TMEM272: variants seen among roughly 807,000 people sequenced by gnomAD.
The protein encoded by TMEM272 is transmembrane protein 272, also known as long intergenic non-protein coding RNA 282.
In TMEM272, 8 loss-of-function variants were observed where a neutral mutation model predicts 3.7. The ratio of observed to expected loss-of-function variants is 2.17; its 90% CI spans 1.27 to 3.91. The LOEUF (loss-of-function observed/expected upper bound fraction) is 3.91. TMEM272 is among the 30% of genes most tolerant of loss of function. The pLI is 0.00. For missense variants in TMEM272, 166 were observed against 91.5 expected, an observed-to-expected ratio of 1.81 and a Z score of -3.32; for synonymous variants, 63 against 39.8, an observed-to-expected ratio of 1.58 and a Z score of -2.20.
At chr13:51,874,044 A>G in the TMEM272 span, among the ~76,000 whole-genome samples, 2 of 152,222 alleles carry the variant, frequency 1.3e-5, no homozygotes, top group Non-Finnish European at 2.9e-5. Flanking sequence ...ACCTCAGTGA[A>G]GAGAAAGATG....
At chr13:51,897,926 C>A in the TMEM272 span, among the ~76,000 whole-genome samples, 172 of 98,380 alleles carry the variant, frequency 1.7e-3, no homozygotes, top group Middle Eastern at 7.5e-3. Flanking sequence ...GACTCCATCT[C>A]AAAAAAAAAA....
the TMEM272 span, among the ~76,000 whole-genome samples, chr13:51,904,693 G>A: frequency 6.6e-6 from 1 of 152,192 alleles, no homozygotes; most frequent in African/African-American, 2.4e-5. Flanking sequence ...CAAAGGTCAT[G>A]CTCAAAGGAA....
chr13:51,831,364 T>C (rs576160163), intron 2 of TMEM272, among the ~76,000 whole-genome samples: 269 of 152,272 alleles, frequency 1.8e-3, no homozygotes, highest in Middle Eastern at 3.4e-3. Flanking sequence ...TTCAAGTCTG[T>C]AGTGAACCAT....
the TMEM272 span, among the ~76,000 whole-genome samples, chr13:51,928,529 A>T: frequency 6.6e-6 from 1 of 152,228 alleles, no homozygotes; most frequent in African/African-American, 2.4e-5. Context: ...GGGAGACGGC[A>T]TGACACATTC....
chr13:51,838,208 C>G (rs1187009312), intron 2 of TMEM272, among the ~76,000 whole-genome samples: 2 of 152,236 alleles, frequency 1.3e-5, no homozygotes, highest in Non-Finnish European at 2.9e-5. Flanking sequence ...AGCAGTGACT[C>G]CGTTCACATG....
the TMEM272 span, chr13:51,865,229 C>A: frequency 1.7e-6 from 1 of 603,244 alleles, no homozygotes; most frequent in Non-Finnish European, 2.8e-6. Context: ...ACCATGTGGA[C>A]AAAGAGCAGT....
intron 2 of TMEM272, among the ~76,000 whole-genome samples, chr13:51,830,105 T>C (rs1030732003): frequency 2.0e-5 from 3 of 152,276 alleles, no homozygotes; most frequent in African/African-American, 7.2e-5. Flanking sequence ...TTCAGCCACG[T>C]ACAAAAGCAT....
At chr13:51,927,685 T>C in the TMEM272 span, among the ~76,000 whole-genome samples, 1 of 152,160 alleles carries the variant, frequency 6.6e-6, no homozygotes, top group African/African-American at 2.4e-5. Context: ...ACCAGCATCA[T>C]TCAGGCGGTC....
At chr13:51,895,413 C>A in the TMEM272 span, among the ~76,000 whole-genome samples, 1 of 152,108 alleles carries the variant, frequency 6.6e-6, no homozygotes, top group Non-Finnish European at 1.5e-5. Flanking sequence ...GTAGTAACTG[C>A]AGGGAAATCG....
intron 2 of TMEM272, among the ~76,000 whole-genome samples, chr13:51,837,985 A>T (rs1956230046): frequency 6.6e-6 from 1 of 152,186 alleles, no homozygotes. Flanking sequence ...CTGGGATCTG[A>T]TTTTGGGATA....
the TMEM272 span, among the ~76,000 whole-genome samples, chr13:51,862,925 G>A: frequency 2.0e-5 from 3 of 152,184 alleles, no homozygotes; most frequent in East Asian, 5.8e-4. Context: ...ATAGCTGCTG[G>A]GTTACAGAGA....
At chr13:51,873,348 C>T in the TMEM272 span, among the ~76,000 whole-genome samples, 4 of 152,058 alleles carry the variant, frequency 2.6e-5, no homozygotes, top group East Asian at 3.9e-4. Context: ...TAAATAGCAC[C>T]GAATAGTGAT....
intron 2 of TMEM272, among the ~76,000 whole-genome samples, chr13:51,838,198 A>G (rs1380498081): frequency 6.6e-6 from 1 of 152,232 alleles, no homozygotes; most frequent in Non-Finnish European, 1.5e-5. Flanking sequence ...CACTGATTGT[A>G]GCAGTGACTC....
chr13:51,902,735 T>C, the TMEM272 span, among the ~76,000 whole-genome samples: 3 of 152,246 alleles, frequency 2.0e-5, no homozygotes, highest in Admixed American at 1.3e-4. Context: ...ACGGGAACCA[T>C]TCTGCTAAGC....
At chr13:51,865,765 G>A in the TMEM272 span, 1 of 1,614,182 alleles carries the variant, frequency 6.2e-7, no homozygotes, top group Non-Finnish European at 8.5e-7. Context: ...GCACTTTCTG[G>A]AAGGAGGATA....
chr13:51,896,643 C>T, the TMEM272 span, among the ~76,000 whole-genome samples: 2 of 152,140 alleles, frequency 1.3e-5, no homozygotes, highest in African/African-American at 2.4e-5. Context: ...AGAGGAGGTC[C>T]ATCTCTTCCC....
At position 51,816,707 on chromosome 13, in the gene TMEM272, A is replaced by C; in HGVS notation, c.*44T>G. 1 of 662,430 alleles carries C rather than the reference A, an allele frequency of 1.5e-6. No homozygotes were observed. The highest frequency in any genetic ancestry group is 1.6e-5 in the South Asian group (1 of 61,164). 41.0% of individuals were successfully genotyped at this position (662,430 alleles called of 1,614,324 possible). The stretch of plus-strand genomic sequence containing the variant: ...TGTGTGTCTGTGTGCACGCGCGTGC[A>C]TGCACACGCATATGCATACATGGTA... On this transcript the variant is annotated 3_prime_UTR_variant, in exon 5 of 5. Coordinates refer to ENST00000629372, the MANE Select transcript of TMEM272 (RefSeq NM_001351003.2).
the TMEM272 span, among the ~76,000 whole-genome samples, chr13:51,871,785 T>TACACACAC: frequency 1.3e-3 from 169 of 129,678 alleles, 1 homozygote; most frequent in African/African-American, 4.5e-3. Context: ...AATCTCCCCC[T>TACACACAC]ACACACACAC....
the TMEM272 span, among the ~76,000 whole-genome samples, chr13:51,889,521 G>A: frequency 3.3e-5 from 5 of 152,220 alleles, no homozygotes; most frequent in African/African-American, 9.7e-5. Flanking sequence ...AGAGGCCTCA[G>A]GAGAAACCAG....
Sources: gnomAD v4.1 joint callset for allele counts (sites outside exome capture counted in the v4.1 genomes callset) on GRCh38, gnomAD v4.1.1 for gene constraint, MANE v1.5 for transcripts, NCBI Gene and HGNC (gene_info 2026-07-23, HGNC 2026-07-21) for gene names.